The following TMEM94 variants were observed in gnomAD, a reference collection of about 807,000 sequenced individuals.
TMEM94 encodes the protein transmembrane protein 94, also known as ER Mg2+ ATPase.
A neutral mutation model predicts 158.6 loss-of-function variants in TMEM94; 81 were observed. That is an observed-to-expected ratio of 0.51 (90% confidence interval 0.43 to 0.61). The LOEUF (loss-of-function observed/expected upper bound fraction) is 0.61, where lower values mean the gene tolerates loss of function less well. Ranked by LOEUF, TMEM94 falls within the 20% of genes least tolerant of loss-of-function variation. The pLI, the probability that TMEM94 is intolerant of heterozygous loss-of-function variation, is 0.00. For synonymous variants in TMEM94, 751 were observed against 730.7 expected, an observed-to-expected ratio of 1.03 and a Z score of -0.45; for missense variants, 1,435 against 1,762.0, an observed-to-expected ratio of 0.81 and a Z score of 3.32.
rs548351276 is a variant in TMEM94 at position 75,471,564 on chromosome 17, A to G, written c.-106-236A>G. On this transcript the variant is annotated intron_variant, in intron 1 of 31. Transcript: ENST00000314256. Reference sequence around the variant, plus strand: ...GGCAAAACCCTGTCTCTACTGAAAAATACAAAATTAGCTGGGCATGGTGAT... The same window carrying G: ...GGCAAAACCCTGTCTCTACTGAAAAGTACAAAATTAGCTGGGCATGGTGAT... Among the ~76,000 whole-genome samples the G allele has an allele frequency of 2.0e-5, 3 of 152,232 alleles. No homozygotes were observed. In the South Asian group the frequency reaches 6.2e-4, roughly 32 times the overall value.
At chr17:75,476,480 C>T (rs117402043) in intron 2 of TMEM94, 64,904 of 1,384,170 alleles carry the variant, frequency 0.047, 1,830 homozygotes, top group Middle Eastern at 0.12. Context: ...GAATCTGCAG[C>T]GTGACTAGAA....
At chr17:75,478,803 G>A (rs1166905492) in intron 2 of TMEM94, among the ~76,000 whole-genome samples, 4 of 152,188 alleles carry the variant, frequency 2.6e-5, no homozygotes, top group African/African-American at 4.8e-5. Context: ...AATTTGAGAA[G>A]TAGGGCCTCC....
chr17:75,470,380 C>T (rs576508597), intron 1 of TMEM94, among the ~76,000 whole-genome samples: 6 of 151,528 alleles, frequency 4.0e-5, no homozygotes, highest in South Asian at 4.2e-4. Context: ...TTTGAGAGGC[C>T]GAGGCAGGTG....
rs1230233393 is a variant in TMEM94, at chr17:75,462,001, G to GTTTTTTTTTTTT, written c.-107+5254_-107+5255insTTTTTTTTTTTT. Among the ~76,000 whole-genome samples the GTTTTTTTTTTTT allele has an allele frequency of 2.1e-4, 18 of 85,662 alleles. 4 individuals carry two copies. Among genetic ancestry groups the GTTTTTTTTTTTT allele is most frequent in the African/African-American group, 2.3e-4 (4 of 17,524 alleles). The allele number at this position is 85,662 out of a possible 152,430, so 56.2% of individuals were successfully genotyped here. On this transcript the variant is annotated intron_variant, in intron 1 of 31. Transcript: ENST00000314256. Reference sequence around the variant, plus strand: ...TAAATTTTACAGTTTTTTTTGTTTTGTTTTGTTTTGTTTTTTTTTTTTTTG... The same window carrying GTTTTTTTTTTTT: ...TAAATTTTACAGTTTTTTTTGTTTTGTTTTTTTTTTTTTTTTGTTTTGTTTTTTTTTTTTTTG...
At position 75,498,585 on chromosome 17, in the gene TMEM94, C is replaced by T. The variant is rs898334793; in HGVS notation, c.3734-44C>T. On this transcript the variant is annotated intron_variant, in intron 29 of 31. Coordinates refer to ENST00000314256, the MANE Select transcript of TMEM94 (RefSeq NM_014738.6). This position sits in a 1 kb window ranked among gnomAD's most constrained non-coding sequence, Gnocchi z 6.7. ...GCGTGGATGATGGTGGGAGAGGAGCCCCACTGTGGAAGTCTGACCCCCACA... is the reference window on the plus strand; with the variant it reads ...GCGTGGATGATGGTGGGAGAGGAGCTCCACTGTGGAAGTCTGACCCCCACA... 6.2e-7 allele frequency: 1 copy of T among 1,612,972 alleles called. No homozygotes were observed. Among genetic ancestry groups the T allele is most frequent in the East Asian group, 2.2e-5 (1 of 44,892 alleles).
At chr17:75,476,621 ACCCT>A in intron 2 of TMEM94, 1 of 1,526,368 alleles carries the variant, frequency 6.6e-7, no homozygotes, top group Non-Finnish European at 8.8e-7. Flanking sequence ...CTCTCTTTTC[ACCCT>A]CCCCGCTTTG....
chr17:75,460,180 T>G (rs8070164), intron 1 of TMEM94, among the ~76,000 whole-genome samples: 29,009 of 151,952 alleles, frequency 0.19, 4,801 homozygotes, highest in African/African-American at 0.44. Context: ...AGGCCAGAAG[T>G]GATGGGAGAG....
At position 75,495,319 on chromosome 17, in the gene TMEM94, G is replaced by A. The variant is rs766981857; in HGVS notation, c.2764G>A (p.Glu922Lys). The A allele has an allele frequency of 9.9e-6, 16 of 1,613,140 alleles. No homozygotes were observed. In the East Asian group the frequency reaches 3.6e-4, roughly 36 times the overall value. Residue 922 changes from glutamate to lysine, a missense_variant, in exon 21 of 32, where the codon GAG (glutamate) becomes AAG (lysine). Around this residue, in one of 3 missense-constraint regions of TMEM94, gnomAD observed 1,051 missense variants for 1,254.4 expected, o/e 0.84. Transcript: ENST00000314256. This position sits in a 1 kb window ranked among gnomAD's most constrained non-coding sequence, Gnocchi z 5.6. The stretch of plus-strand genomic sequence containing the variant: ...TGATGCAGAAGGGCTCCTCCTCATG[G>A]AGGAGGAGGGCCACTCGGACCTCAT... ...RDDAEGLLLM[E>K]EEGHSDLISF...
chr17:75,495,886 T>C lies in TMEM94; in HGVS notation c.2945-80T>C. The C allele has an allele frequency of 5.6e-6, 6 of 1,063,210 alleles. No homozygotes were observed. Among genetic ancestry groups the C allele is most frequent in the South Asian group, 1.3e-5 (1 of 74,576 alleles). The allele number at this position is 1,063,210 out of a possible 1,614,324, so 65.9% of individuals were successfully genotyped here. On this transcript the variant is annotated intron_variant, in intron 22 of 31. Coordinates refer to ENST00000314256, the MANE Select transcript of TMEM94 (RefSeq NM_014738.6). The surrounding 1 kb of genome is among the most constrained non-coding windows in gnomAD (Gnocchi z 5.6). ...GCCCACCTCCCATCGCCTCCTGCTCTCCTGTCCCATGGGTCTCTGCCCAGT... is the reference window on the plus strand; with the variant it reads ...GCCCACCTCCCATCGCCTCCTGCTCCCCTGTCCCATGGGTCTCTGCCCAGT...
intron 1 of TMEM94, among the ~76,000 whole-genome samples, chr17:75,465,679 A>ATTTTT (rs66618031): frequency 4.0e-5 from 5 of 124,816 alleles, no homozygotes; most frequent in African/African-American, 1.8e-4. Flanking sequence ...ATATATATAT[A>ATTTTT]TTTTTTTTTA....
chr17:75,497,034 G>A (rs886729048), intron 25 of TMEM94, 79 bp from the exon 26 acceptor site: 4 of 1,307,414 alleles, frequency 3.1e-6, no homozygotes, highest in African/African-American at 2.9e-5. Context: ...TGGGCCCAGG[G>A]CAAGGGAGCT....
At chr17:75,483,825 C>T (rs999192371) in intron 2 of TMEM94, among the ~76,000 whole-genome samples, 6 of 152,096 alleles carry the variant, frequency 3.9e-5, no homozygotes, top group Non-Finnish European at 5.9e-5. Context: ...GTTCAGCAGA[C>T]GGGTCCACAT....
At chr17:75,493,940 G>A (rs1443686125) in intron 18 of TMEM94, 24 bp downstream of exon 18, 1 of 1,593,990 alleles carries the variant, frequency 6.3e-7, no homozygotes, top group Non-Finnish European at 8.6e-7. Context: ...CTGTCCAGCG[G>A]GGCTGGTGCT....
At chr17:75,496,867 A>G in intron 25 of TMEM94, 60 bp downstream of exon 25, 1 of 1,546,962 alleles carries the variant, frequency 6.5e-7, no homozygotes, top group Non-Finnish European at 8.9e-7. Context: ...CTCAGGGGCC[A>G]GCTGAAAATC....
Position 75,485,257 on chromosome 17 carries a change from G to A in TMEM94, c.25-171G>A, listed in dbSNP as rs540680243. ...GTGCACTTGAACAGTTTGTAATTTG[G>A]TGGAGATGGACATGGTCACACCTTG... is the stretch of plus-strand genomic sequence containing the variant. On this transcript the variant is annotated intron_variant, in intron 2 of 31. Transcript: ENST00000314256. The surrounding 1 kb of genome is among the most constrained non-coding windows in gnomAD (Gnocchi z 5.5). 3.3e-5 allele frequency: 21 copies of A among 642,128 alleles called. No homozygotes were observed. In the African/African-American group the frequency reaches 3.5e-4, roughly 11 times the overall value. The allele number at this position is 642,128 out of a possible 1,614,324, so 39.8% of individuals were successfully genotyped here. A position where few individuals can be genotyped will look rare whatever the true frequency, so the allele number is the denominator to read the frequency against.
Position 75,491,788 on chromosome 17 carries a change from A to G in TMEM94, c.1484A>G (p.Lys495Arg). ...GGCGACTGGCCTGGCGAGGCTCCCA[A>G]GCCCCCCGAGCCCTATTCACACCAC... ...ERGDWPGEAP[K>R]PPEPYSHHKA... The change falls in exon 14 of 32, where the codon AAG (lysine) becomes AGG (arginine). Residue 495 changes from lysine (K) to arginine (R), a missense_variant. By Grantham distance (26) the Lys-to-Arg change is conservative (BLOSUM62 2). Coordinates refer to ENST00000314256, the MANE Select transcript of TMEM94 (RefSeq NM_014738.6). This position sits in a 1 kb window ranked among gnomAD's most constrained non-coding sequence, Gnocchi z 5.1. The G allele has an allele frequency of 6.2e-7, 1 of 1,613,976 alleles. No individual in the cohort carries two copies.
intron 2 of TMEM94, among the ~76,000 whole-genome samples, chr17:75,482,692 A>G (rs1282385460): frequency 6.6e-6 from 1 of 152,206 alleles, no homozygotes; most frequent in African/African-American, 2.4e-5. Flanking sequence ...GTCCCGATTA[A>G]GGTGAAGCCT....
Position 75,491,848 on chromosome 17 carries a change from C to T in TMEM94, c.1544C>T (p.Ser515Phe), listed in dbSNP as rs2052220799. 1.9e-6 allele frequency: 3 copies of T among 1,614,062 alleles called. No homozygotes were observed. Among genetic ancestry groups the T allele is most frequent in the Non-Finnish European group, 2.5e-6 (3 of 1,180,018 alleles). ...AHGRSKHPSG[S>F]NVSFSRDTEG... ...GGCCGCAGCAAACACCCATCTGGCT[C>T]CAACGTGAGCTTCAGCAGGGACACC... The change falls in exon 14 of 32, where the codon TCC becomes TTC. Residue 515 changes from serine to phenylalanine, a missense_variant. Coordinates refer to ENST00000314256, the MANE Select transcript of TMEM94 (RefSeq NM_014738.6). This position sits in a 1 kb window ranked among gnomAD's most constrained non-coding sequence, Gnocchi z 5.1.
At chr17:75,481,209 G>A (rs1162694914) in intron 2 of TMEM94, among the ~76,000 whole-genome samples, 1 of 152,270 alleles carries the variant, frequency 6.6e-6, no homozygotes, top group Non-Finnish European at 1.5e-5. Context: ...GGCCTCTTTG[G>A]GAGGCCTCAG....
Sources: gnomAD v4.1 joint callset for allele counts (sites outside exome capture counted in the v4.1 genomes callset) on GRCh38, gnomAD v4.1.1 for gene constraint, gnomAD v4.1.1 regional missense constraint, Gnocchi (gnomAD v3.1) non-coding constraint, MANE v1.5 for transcripts, NCBI Gene and HGNC (gene_info 2026-07-23, HGNC 2026-07-21) for gene names.